Variants in TDO2 observed in about 807,000 individuals in gnomAD.
TDO2 encodes tryptophan 2,3-dioxygenase.
TDO2 carries 63 observed loss-of-function variants against 61.2 expected under a neutral mutation model. The observed-to-expected ratio is 1.03, with a 90% CI of 0.84 to 1.27. The LOEUF (loss-of-function observed/expected upper bound fraction) is 1.27, where lower values mean the gene tolerates loss of function less well. TDO2 is among the 50% of genes most tolerant of loss of function. TDO2 has a pLI of 0.00. For synonymous variants in TDO2, 183 were observed against 164.0 expected, an observed-to-expected ratio of 1.12 and a Z score of -0.89; for missense variants, 494 against 469.5, an observed-to-expected ratio of 1.05 and a Z score of -0.48.
rs754716007 is a variant in TDO2, at chr4:155,905,095, T to C, written c.170T>C (p.Leu57Pro). ...HLEKVLNAQELQSETKGNKIH... is the reference protein window; with the variant it reads ...HLEKVLNAQEPQSETKGNKIH... ...GAAAAAGTTTTGAATGCACAAGAAC[T>C]GCAAAGTGAAACAAAAGGAAATAAA... The change falls in exon 3 of 12, where the codon CTG (leucine) becomes CCG (proline). Residue 57 changes from leucine (L) to proline (P), a missense_variant. Coordinates refer to ENST00000536354, the MANE Select transcript of TDO2 (RefSeq NM_005651.4). 4 of 1,600,518 alleles carry C rather than the reference T, an allele frequency of 2.5e-6. No individual in the cohort carries two copies. The highest frequency in any genetic ancestry group is 2.6e-6 in the Non-Finnish European group (3 of 1,174,586).
chr4:155,911,017 A>C lies in TDO2; in HGVS notation c.619-480A>C, dbSNP rs1742818100. The stretch of plus-strand genomic sequence containing the variant: ...CATTTTAAAATCTCAAAGTAATTGC[A>C]TGGATGGTTAATTTCAAAGTTGCTA... On this transcript the variant is annotated intron_variant, in intron 6 of 11. Transcript: ENST00000536354. Among the ~76,000 whole-genome samples the C allele has an allele frequency of 2.0e-5, 3 of 152,126 alleles. No individual in the cohort carries two copies. The South Asian group carries it at 6.2e-4, about 32-fold the overall frequency.
At chr4:155,913,961 C>A (rs1027379514) in intron 7 of TDO2, among the ~76,000 whole-genome samples, 26 of 152,122 alleles carry the variant, frequency 1.7e-4, no homozygotes, top group African/African-American at 6.3e-4. Context: ...GAATTCTTAA[C>A]TTTTTCTAAG....
At chr4:155,911,247 A>G (rs556184839) in intron 6 of TDO2, among the ~76,000 whole-genome samples, 4 of 152,156 alleles carry the variant, frequency 2.6e-5, no homozygotes, top group Non-Finnish European at 5.9e-5. Flanking sequence ...AATTTCTGTA[A>G]TCACATATTT....
chr4:155,908,558 A>C (rs909530269), intron 4 of TDO2, among the ~76,000 whole-genome samples: 2 of 152,194 alleles, frequency 1.3e-5, no homozygotes, highest in Non-Finnish European at 2.9e-5. Context: ...CTCACTCAGA[A>C]GTTCCTGTGT....
intron 9 of TDO2, among the ~76,000 whole-genome samples, chr4:155,916,164 C>CTTTT (rs34847339): frequency 5.3e-5 from 4 of 76,188 alleles, no homozygotes; most frequent in African/African-American, 1.4e-4. Context: ...ATCAAATATC[C>CTTTT]TTTTTTTTTT....
chr4:155,916,296 T>C (rs1365099969), intron 9 of TDO2, among the ~76,000 whole-genome samples: 4 of 145,384 alleles, frequency 2.8e-5, no homozygotes. Context: ...GCCTCCCGAG[T>C]AGCTGGGACT....
intron 9 of TDO2, 65 bp downstream of exon 9, chr4:155,915,977 TA>T: frequency 7.6e-7 from 1 of 1,318,970 alleles, no homozygotes; most frequent in Non-Finnish European, 1.1e-6. Context: ...ACATGTCCAG[TA>T]TAAAGCCTAA....
In TDO2 at chr4:155,917,409, T is replaced by G; in HGVS notation, c.911T>G (p.Phe304Cys). Residue 304 changes from phenylalanine to cysteine, a missense_variant, in exon 10 of 12, where the codon TTC becomes TGC. By Grantham distance (205) the Phe-to-Cys change is radical. Transcript: ENST00000536354. Reference protein sequence around the residue: ...MIYFYREEPRFQVPFQLLTSL... With the variant: ...MIYFYREEPRCQVPFQLLTSL... ...TTTTCCTTTAGGGAAGAGCCTAGGT[T>G]CCAGGTGCCTTTTCAGTTGCTGACT... 1 of 1,611,000 alleles carries G rather than the reference T, an allele frequency of 6.2e-7. No homozygotes were observed. Among genetic ancestry groups the G allele is most frequent in the Non-Finnish European group, 8.5e-7 (1 of 1,178,856 alleles).
chr4:155,906,129 T>C (rs1742714428), intron 3 of TDO2: 1 of 152,098 alleles, frequency 6.6e-6, no homozygotes, highest in African/African-American at 2.4e-5. Context: ...GGACCTCCAT[T>C]TCCCCATACG....
Position 155,916,987 on chromosome 4 carries a change from A to C in TDO2, c.897-408A>C, listed in dbSNP as rs375440562. 3.2e-3 allele frequency among the ~76,000 whole-genome samples: 481 copies of C among 149,726 alleles called. 3 individuals carry two copies. Among genetic ancestry groups the C allele is most frequent in the African/African-American group, 0.011 (440 of 41,136 alleles). The stretch of plus-strand genomic sequence containing the variant: ...AAACAAAACAAAACAACAACAAAAA[A>C]AACAAAACAAAAAAACAAATAGATG... On this transcript the variant is annotated intron_variant, in intron 9 of 11. Transcript: ENST00000536354.
At chr4:155,913,891 G>T (rs1742882866) in intron 7 of TDO2, among the ~76,000 whole-genome samples, 1 of 152,034 alleles carries the variant, frequency 6.6e-6, no homozygotes, top group Non-Finnish European at 1.5e-5. Flanking sequence ...TGTATTTACA[G>T]AATTCAACAC....
In TDO2 at chr4:155,919,921, C is replaced by T. The variant is rs143557858; in HGVS notation, c.1152C>T (p.Thr384=). The T allele has an allele frequency of 3.7e-5, 59 of 1,613,438 alleles. No homozygotes were observed. The highest frequency in any genetic ancestry group is 4.8e-5 in the Non-Finnish European group (57 of 1,179,650). ...ACTGGATACCGAAGATGAACCCAAC[C>T]ATTCACAAATTTCTATATACAGCAG... ...PRHWIPKMNP[T]IHKFLYTAEY... Residue 384 remains threonine (T), a synonymous_variant, in exon 12 of 12, where the codon ACC becomes ACT. Coordinates refer to ENST00000536354, the MANE Select transcript of TDO2 (RefSeq NM_005651.4).
At chr4:155,912,209 A>G (rs944943694) in intron 7 of TDO2, among the ~76,000 whole-genome samples, 4 of 152,296 alleles carry the variant, frequency 2.6e-5, no homozygotes, top group Non-Finnish European at 5.9e-5. Flanking sequence ...CAACTATGTG[A>G]CAGAGAACAA....
At chr4:155,912,201 A>G (rs929486506) in intron 7 of TDO2, among the ~76,000 whole-genome samples, 1 of 152,184 alleles carries the variant, frequency 6.6e-6, no homozygotes, top group Non-Finnish European at 1.5e-5. Flanking sequence ...TTCTTAAACA[A>G]CTATGTGACA....
intron 3 of TDO2, chr4:155,907,348 C>T (rs73855743): frequency 0.014 from 2,337 of 168,950 alleles, 55 homozygotes; most frequent in African/African-American, 0.049. Context: ...ATTAATTTCT[C>T]AGTGTGTAGA....
intron 2 of TDO2, among the ~76,000 whole-genome samples, chr4:155,904,667 A>G (rs1032532136): frequency 3.3e-5 from 5 of 152,164 alleles, no homozygotes; most frequent in Non-Finnish European, 7.4e-5. Flanking sequence ...TGATGTCTTC[A>G]TCGGTGAGTT....
intron 3 of TDO2, chr4:155,906,765 A>G (rs1055771358): frequency 6.6e-6 from 1 of 152,132 alleles, no homozygotes; most frequent in Admixed American, 6.5e-5. Context: ...ATGTCTATCC[A>G]TGTCTACCAT....
intron 2 of TDO2, 39 bp downstream of exon 2, chr4:155,904,162 T>C (rs772778234): frequency 6.9e-7 from 1 of 1,438,884 alleles, no homozygotes; most frequent in South Asian, 1.2e-5. Context: ...GTGTCCATTG[T>C]TAGGCACTCA....
rs776164347 is a variant in TDO2 at position 155,904,078 on chromosome 4, G to A, written c.96G>A (p.Val32=). Residue 32 remains valine, a synonymous_variant, in exon 2 of 12, where the codon GTG becomes GTA. Transcript: ENST00000536354. ...AAGAAGACAAATCACAAACTGGTGT[G>A]AATAGAGCCAGCAAAGGAGGTCTTA... ...GSEEDKSQTG[V]NRASKGGLIY... The A allele has an allele frequency of 1.5e-4, 235 of 1,613,932 alleles. No individual in the cohort carries two copies. Among genetic ancestry groups the A allele is most frequent in the Non-Finnish European group, 1.9e-4 (221 of 1,179,984 alleles).
Sources: gnomAD v4.1 joint callset for allele counts (sites outside exome capture counted in the v4.1 genomes callset) on GRCh38, gnomAD v4.1.1 for gene constraint, MANE v1.5 for transcripts, NCBI Gene and HGNC (gene_info 2026-07-23, HGNC 2026-07-21) for gene names.